Variants in GDAP1 observed in about 807,000 individuals in gnomAD.
GDAP1 encodes ganglioside induced differentiation associated protein 1.
GDAP1 carries 34 observed loss-of-function variants against 40.1 expected under a neutral mutation model. The ratio of observed to expected loss-of-function variants is 0.85; its 90% CI spans 0.64 to 1.13. The LOEUF (loss-of-function observed/expected upper bound fraction) is 1.13. GDAP1 is among the 50% of genes most tolerant of loss of function. The probability of loss-of-function intolerance (pLI) is 0.00; values close to 1 mark genes in which losing one functional copy is unlikely to be tolerated. For missense variants in GDAP1, 374 were observed against 433.7 expected (o/e 0.86, Z 1.22); for synonymous variants, 170 against 157.4 (o/e 1.08, Z -0.60).
intron 2 of GDAP1, among the ~76,000 whole-genome samples, chr8:74,408,496 C>T (rs1805668865): frequency 1.3e-5 from 2 of 150,074 alleles, no homozygotes; most frequent in South Asian, 2.1e-4. Flanking sequence ...CTTCAGAGAG[C>T]TGCCTTTCCC....
intron 2 of GDAP1, among the ~76,000 whole-genome samples, chr8:74,422,516 C>G (rs2131560312): frequency 7.3e-6 from 1 of 137,866 alleles, no homozygotes; most frequent in East Asian, 2.1e-4. Context: ...TCCTTCCTTC[C>G]TTCCTTCCTT....
chr8:74,437,173 TC>T (rs1267161174), intron 2 of GDAP1, among the ~76,000 whole-genome samples: 2 of 152,202 alleles, frequency 1.3e-5, no homozygotes, highest in Non-Finnish European at 2.9e-5. Flanking sequence ...AAGTTATTAT[TC>T]ATACTTTTAT....
rs769102513 is a variant in GDAP1 at position 74,362,996 on chromosome 8, G to A, written c.637G>A (p.Glu213Lys). The change falls in exon 5 of 6, where the codon GAG becomes AAG. Residue 213 changes from glutamate (E) to lysine (K), a missense_variant. Transcript: ENST00000220822. ...TTTGAAGAAAATTCTTGATGAGTTG[G>A]AGAAAGTCTTGGATCAGGTTGAAAC... ...KYLKKILDEL[E>K]KVLDQVETEL... is the part of the protein sequence containing the mutation. The A allele has an allele frequency of 4.4e-6, 7 of 1,598,346 alleles. No homozygotes were observed. The South Asian group carries it at 7.7e-5, about 18-fold the overall frequency.
intron 2 of GDAP1, among the ~76,000 whole-genome samples, chr8:74,422,352 C>CTTTCCTTCCTT (rs1563465558): frequency 2.9e-5 from 1 of 34,222 alleles, no homozygotes; most frequent in African/African-American, 1.0e-4. Flanking sequence ...TTTCTTTCTT[C>CTTTCCTTCCTT]CCTTCCTTCC....
chr8:74,440,510 T>C (rs567173176), intron 2 of GDAP1, among the ~76,000 whole-genome samples: 1 of 152,256 alleles, frequency 6.6e-6, no homozygotes, highest in Non-Finnish European at 1.5e-5. Flanking sequence ...TGTATGTTTC[T>C]TGTGCTTGTT....
chr8:74,485,562 C>T (rs2128721953), intron 2 of GDAP1, among the ~76,000 whole-genome samples: 2 of 152,218 alleles, frequency 1.3e-5, no homozygotes, highest in Admixed American at 1.3e-4. Context: ...TATAATCAAG[C>T]ACTTAATTTT....
intron 2 of GDAP1, among the ~76,000 whole-genome samples, chr8:74,484,874 T>G (rs550896813): frequency 6.6e-6 from 1 of 152,248 alleles, no homozygotes; most frequent in African/African-American, 2.4e-5. Context: ...AAATCTCTGG[T>G]CTATGTTCTC....
rs181326797 is a variant in GDAP1, at chr8:74,470,706, A to G, written c.166-17972A>G. 9.2e-5 allele frequency among the ~76,000 whole-genome samples: 14 copies of G among 152,346 alleles called. No homozygotes were observed. The East Asian group carries it at 1.5e-3, about 17-fold the overall frequency. ...CTTTGCTATTGTGAATAGTGCCGCA[A>G]TAAACATAGGTATGCATGTGTCTTT... On this transcript the variant is annotated intron_variant, in intron 2 of 2. Transcript: ENST00000523640.
chr8:74,461,523 G>A (rs1253405525), intron 2 of GDAP1, among the ~76,000 whole-genome samples: 1 of 152,192 alleles, frequency 6.6e-6, no homozygotes, highest in Non-Finnish European at 1.5e-5. Context: ...ATTTGGCTGT[G>A]TTCATATGCT....
chr8:74,351,474 T>G lies in GDAP1; in HGVS notation c.310+8T>G. The G allele has an allele frequency of 6.3e-7, 1 of 1,596,986 alleles. No individual in the cohort carries two copies. The highest frequency in any genetic ancestry group is 8.6e-7 in the Non-Finnish European group (1 of 1,164,258). ...AACAGACTTTCCTGGATGGTAATGT[T>G]AAGGCTACTTGCGATTTCTTGGATT... On this transcript the variant is annotated splice_region_variant and intron_variant, in intron 2 of 5. Coordinates refer to ENST00000220822, the MANE Select transcript of GDAP1 (RefSeq NM_018972.4).
At chr8:74,354,888 A>G (rs564591065) in intron 2 of GDAP1, among the ~76,000 whole-genome samples, 3 of 152,340 alleles carry the variant, frequency 2.0e-5, no homozygotes, top group East Asian at 3.9e-4. Context: ...TGGTCATGAC[A>G]GGAGACTGTA....
At chr8:74,448,270 C>A (rs1806257553) in intron 2 of GDAP1, among the ~76,000 whole-genome samples, 1 of 151,834 alleles carries the variant, frequency 6.6e-6, no homozygotes, top group African/African-American at 2.4e-5. Flanking sequence ...TATGTCTTTT[C>A]ATTTGCTCCA....
chr8:74,484,530 G>T (rs1184459993), intron 2 of GDAP1, among the ~76,000 whole-genome samples: 1 of 152,178 alleles, frequency 6.6e-6, no homozygotes, highest in East Asian at 1.9e-4. Flanking sequence ...AGAAGGAGAA[G>T]ATTTCTGCCT....
chr8:74,432,784 GC>G (rs1282587703), intron 2 of GDAP1, among the ~76,000 whole-genome samples: 1 of 152,084 alleles, frequency 6.6e-6, no homozygotes, highest in Non-Finnish European at 1.5e-5. Flanking sequence ...ACTTTCTCTA[GC>G]CCTTTGTTTT....
chr8:74,466,551 G>T (rs1484146266), intron 2 of GDAP1, among the ~76,000 whole-genome samples: 1 of 152,218 alleles, frequency 6.6e-6, no homozygotes, highest in Non-Finnish European at 1.5e-5. Flanking sequence ...GATAGAGCTT[G>T]CAAGATTCGC....
intron 2 of GDAP1, among the ~76,000 whole-genome samples, chr8:74,402,435 C>T (rs944330727): frequency 2.0e-5 from 3 of 150,318 alleles, no homozygotes; most frequent in Non-Finnish European, 4.4e-5. Flanking sequence ...GTGAGTGACC[C>T]GATTTTCCAG....
At chr8:74,372,726 C>T (rs1158475825) in intron 2 of GDAP1, among the ~76,000 whole-genome samples, 1 of 152,164 alleles carries the variant, frequency 6.6e-6, no homozygotes, top group Non-Finnish European at 1.5e-5. Flanking sequence ...TGCCTGTTCA[C>T]TCTGATGGTA....
At chr8:74,438,661 CATGATCATAGTTTGCTGCAGTCTT>C (rs1250769414) in intron 2 of GDAP1, among the ~76,000 whole-genome samples, 1 of 151,938 alleles carries the variant, frequency 6.6e-6, no homozygotes, top group Non-Finnish European at 1.5e-5. Context: ...AGTGCAGTGG[CATGATCATAGTTTGCTGCAGTCTT>C]GACCTCCTGG....
intron 2 of GDAP1, among the ~76,000 whole-genome samples, chr8:74,485,875 A>G (rs1240462036): frequency 6.6e-6 from 1 of 152,146 alleles, no homozygotes; most frequent in Non-Finnish European, 1.5e-5. Context: ...TGGTGTCCAG[A>G]GCCCAAGAAT....
Sources: gnomAD v4.1 joint callset for allele counts (sites outside exome capture counted in the v4.1 genomes callset) on GRCh38, gnomAD v4.1.1 for gene constraint, MANE v1.5 for transcripts, NCBI Gene and HGNC (gene_info 2026-07-23, HGNC 2026-07-21) for gene names.